The following CDK8 variants were observed in gnomAD, a reference collection of about 807,000 sequenced individuals.
CDK8 encodes cyclin-dependent kinase 8.
Under a neutral mutation model 71.5 loss-of-function variants are expected in CDK8, and 29 were observed. The ratio of observed to expected loss-of-function variants is 0.41; its 90% confidence interval spans 0.30 to 0.55. CDK8 has a LOEUF of 0.55. Among genes scored for constraint, CDK8 ranks in the 20% least tolerant of loss-of-function variants. The probability of loss-of-function intolerance (pLI) is 0.37; values close to 1 mark genes in which losing one functional copy is unlikely to be tolerated. For missense variants in CDK8, 288 were observed against 572.6 expected, an observed-to-expected ratio of 0.50 and a Z score of 5.07; for synonymous variants, 161 against 192.1, an observed-to-expected ratio of 0.84 and a Z score of 1.34.
At chr13:26,283,875 C>T (rs1012285699) in intron 1 of CDK8, among the ~76,000 whole-genome samples, 15 of 143,730 alleles carry the variant, frequency 1.0e-4, no homozygotes, top group African/African-American at 3.8e-4. Flanking sequence ...TGCAGCCTGG[C>T]GACAGAGCAA....
intron 4 of CDK8, among the ~76,000 whole-genome samples, chr13:26,368,253 G>A (rs1325152151): frequency 6.6e-6 from 1 of 152,118 alleles, no homozygotes; most frequent in Non-Finnish European, 1.5e-5. Flanking sequence ...TTGGATTACT[G>A]CAGAAACTCC....
At chr13:26,347,748 C>T (rs1873519989) in intron 2 of CDK8, among the ~76,000 whole-genome samples, 1 of 152,072 alleles carries the variant, frequency 6.6e-6, no homozygotes, top group South Asian at 2.1e-4. Flanking sequence ...CTACTTCATA[C>T]TCATTAGGAT....
intron 1 of CDK8, among the ~76,000 whole-genome samples, chr13:26,304,093 A>G (rs1048976186): frequency 3.3e-5 from 5 of 151,892 alleles, no homozygotes; most frequent in Admixed American, 3.3e-4. Flanking sequence ...GTGAAACCCC[A>G]TCTCTACTAA....
At chr13:26,271,339 T>C (rs1161352156) in intron 1 of CDK8, among the ~76,000 whole-genome samples, 2 of 152,156 alleles carry the variant, frequency 1.3e-5, no homozygotes, top group African/African-American at 4.8e-5. Context: ...GACACCTAGA[T>C]GGTATAGCCT....
intron 1 of CDK8, among the ~76,000 whole-genome samples, chr13:26,322,643 G>A (rs1874827664): frequency 6.6e-6 from 1 of 152,078 alleles, no homozygotes; most frequent in Non-Finnish European, 1.5e-5. Flanking sequence ...ATCACTTCCT[G>A]TTTACACTCG....
intron 1 of CDK8, among the ~76,000 whole-genome samples, chr13:26,337,352 A>G (rs1873037776): frequency 2.0e-5 from 3 of 152,178 alleles, no homozygotes; most frequent in Admixed American, 6.5e-5. Flanking sequence ...GAACCTTGGA[A>G]AAGTCTTTTT....
At chr13:26,267,794 G>A (rs1872092269) in intron 1 of CDK8, among the ~76,000 whole-genome samples, 1 of 152,178 alleles carries the variant, frequency 6.6e-6, no homozygotes, top group African/African-American at 2.4e-5. Flanking sequence ...CATGCTGTCA[G>A]ATGGAGGTAG....
At chr13:26,336,540 T>C (rs1035415806) in intron 1 of CDK8, among the ~76,000 whole-genome samples, 5 of 150,894 alleles carry the variant, frequency 3.3e-5, no homozygotes, top group Non-Finnish European at 5.9e-5. Flanking sequence ...TGGCATTTTC[T>C]CTGAGGAGTC....
intron 4 of CDK8, among the ~76,000 whole-genome samples, chr13:26,365,968 A>G (rs1216938343): frequency 2.0e-5 from 3 of 152,058 alleles, no homozygotes; most frequent in Non-Finnish European, 4.4e-5. Flanking sequence ...TCTGAATTAT[A>G]CTGTGAAAAA....
rs1483193402 is a variant in CDK8 at position 26,286,859 on chromosome 13, T to C, written c.128+32090T>C. 2.0e-5 allele frequency among the ~76,000 whole-genome samples: 3 copies of C among 152,064 alleles called. No individual in the cohort carries two copies. In the East Asian group the frequency reaches 5.8e-4, roughly 29 times the overall value. The stretch of plus-strand genomic sequence containing the variant: ...GGCAAGGGACATGAATAGACAGTTC[T>C]CAAAAGAAAATATACAAATGGCCAA... On this transcript the variant is annotated intron_variant, in intron 1 of 12. Coordinates refer to ENST00000381527, the MANE Select transcript of CDK8 (RefSeq NM_001260.3).
At chr13:26,372,666 A>G (rs1387341671) in intron 4 of CDK8, among the ~76,000 whole-genome samples, 3 of 152,150 alleles carry the variant, frequency 2.0e-5, no homozygotes. Flanking sequence ...TTCTGGACCC[A>G]TACTCCCTGT....
At chr13:26,381,469 A>G (rs1325690097) in intron 4 of CDK8, among the ~76,000 whole-genome samples, 1 of 152,118 alleles carries the variant, frequency 6.6e-6, no homozygotes, top group African/African-American at 2.4e-5. Context: ...TGTGGTAGTG[A>G]TAGAGGTTCT....
intron 4 of CDK8, among the ~76,000 whole-genome samples, chr13:26,368,530 G>T (rs1397370189): frequency 6.6e-6 from 1 of 152,192 alleles, no homozygotes; most frequent in Non-Finnish European, 1.5e-5. Flanking sequence ...CACCACGGAG[G>T]CTGAGACACA....
At chr13:26,350,889 GT>G (rs1241988923) in intron 3 of CDK8, among the ~76,000 whole-genome samples, 2 of 151,966 alleles carry the variant, frequency 1.3e-5, no homozygotes, top group African/African-American at 2.4e-5. Flanking sequence ...TTTTAAATTG[GT>G]ATTTGAGGAA....
In CDK8 at chr13:26,254,571, C is replaced by A. The variant is rs541091690; in HGVS notation, c.-71C>A. 4.5e-6 allele frequency: 6 copies of A among 1,347,298 alleles called. No individual in the cohort carries two copies. The highest frequency in any genetic ancestry group is 5.2e-5 in the East Asian group (2 of 38,476). 83.5% of individuals were successfully genotyped at this position (1,347,298 alleles called of 1,614,324 possible). A position where few individuals can be genotyped will look rare whatever the true frequency, so the allele number is the denominator to read the frequency against. On this transcript the variant is annotated 5_prime_UTR_variant, in exon 1 of 13. Coordinates refer to ENST00000381527, the MANE Select transcript of CDK8 (RefSeq NM_001260.3). The surrounding 1 kb of genome is among the most constrained non-coding windows in gnomAD (Gnocchi z 6.7). Reference sequence around the variant, plus strand: ...CGGGTTCCCGGGGGCTGCGGCTGCCCGTGCTTCCCCGGTCCCCACCCCTGC... The same window carrying A: ...CGGGTTCCCGGGGGCTGCGGCTGCCAGTGCTTCCCCGGTCCCCACCCCTGC...
intron 1 of CDK8, among the ~76,000 whole-genome samples, chr13:26,258,492 G>GGT (rs56993639): frequency 0.023 from 3,362 of 147,476 alleles, 45 homozygotes; most frequent in African/African-American, 0.033. Flanking sequence ...TATCTAGAGG[G>GGT]GTGTGTGTGT....
At chr13:26,346,687 G>A (rs1333973484) in intron 2 of CDK8, among the ~76,000 whole-genome samples, 11 of 152,108 alleles carry the variant, frequency 7.2e-5, no homozygotes, top group Non-Finnish European at 1.0e-4. Context: ...TAGCGTTTAG[G>A]TTTCTGAGGA....
At chr13:26,319,850 C>T (rs187479154) in intron 1 of CDK8, among the ~76,000 whole-genome samples, 62 of 152,164 alleles carry the variant, frequency 4.1e-4, no homozygotes, top group Admixed American at 1.1e-3. Context: ...CAAAATAATA[C>T]GGTACTGGCA....
intron 1 of CDK8, among the ~76,000 whole-genome samples, chr13:26,292,187 C>T (rs149258944): frequency 6.6e-6 from 1 of 152,226 alleles, no homozygotes; most frequent in African/African-American, 2.4e-5. Flanking sequence ...ATATCAGTGG[C>T]TTAAACAATG....
Sources: allele counts gnomAD v4.1 joint callset (sites outside exome capture counted in the v4.1 genomes callset), GRCh38; gene constraint gnomAD v4.1.1; non-coding constraint Gnocchi (gnomAD v3.1); transcripts MANE v1.5; gene names NCBI Gene and HGNC (gene_info 2026-07-23, HGNC 2026-07-21).